RMP64: variants seen among roughly 807,000 people sequenced by gnomAD.
RMP64 encodes the protein nucleolus and neural progenitor protein.
At chr3:113,010,844 C>T in the RMP64 span, 1 of 851,644 alleles carries the variant, frequency 1.2e-6, no homozygotes, top group African/African-American at 1.7e-5. Context: ...TAGGAAGCAA[C>T]TACAGAAACA....
the RMP64 span, among the ~76,000 whole-genome samples, chr3:113,017,289 AAAAG>A: frequency 1.3e-5 from 2 of 152,214 alleles, no homozygotes; most frequent in Admixed American, 6.5e-5. Flanking sequence ...TTAGGAAAAA[AAAAG>A]AAAGTGCACA....
chr3:113,004,903 ATAAAAT>A, the RMP64 span: 1 of 152,750 alleles, frequency 6.5e-6, no homozygotes, highest in African/African-American at 2.4e-5. Flanking sequence ...ACCCAAATAA[ATAAAAT>A]TAAAACGTTT....
chr3:113,013,192 C>T, the RMP64 span: 9 of 1,492,934 alleles, frequency 6.0e-6, no homozygotes, highest in Admixed American at 5.4e-5. Flanking sequence ...GGAGTGTTAG[C>T]TTTCAAACAA....
chr3:113,012,848 G>A, the RMP64 span: 1 of 1,201,840 alleles, frequency 8.3e-7, no homozygotes. Context: ...CAAAATCAAA[G>A]TAATGTGGGT....
the RMP64 span, chr3:113,013,916 C>A: frequency 7.1e-7 from 1 of 1,408,670 alleles, no homozygotes; most frequent in Non-Finnish European, 1.0e-6. Context: ...GAGTTCCCAG[C>A]CCACCACATC....
the RMP64 span, chr3:113,008,742 C>T: frequency 4.4e-6 from 1 of 227,276 alleles, no homozygotes; most frequent in East Asian, 9.1e-5. Context: ...CTGAATTTTT[C>T]TCCACTGCTC....
At chr3:113,010,748 T>C in the RMP64 span, 1 of 1,481,144 alleles carries the variant, frequency 6.8e-7, no homozygotes, top group Non-Finnish European at 9.4e-7. Context: ...TTAGGCATAC[T>C]ATTTTCAAAT....
At chr3:113,017,473 T>C in the RMP64 span, 1 of 1,614,016 alleles carries the variant, frequency 6.2e-7, no homozygotes, top group Non-Finnish European at 8.5e-7. Context: ...ATGGGGTTTG[T>C]GGCGGCCCAT....
the RMP64 span, chr3:113,011,236 T>C: frequency 2.5e-6 from 4 of 1,613,044 alleles, no homozygotes; most frequent in Non-Finnish European, 3.4e-6. Context: ...TATAGGCATT[T>C]TTTTCTTAAA....
the RMP64 span, among the ~76,000 whole-genome samples, chr3:113,009,198 A>G: frequency 3.3e-5 from 5 of 152,138 alleles, no homozygotes; most frequent in Admixed American, 6.6e-5. Flanking sequence ...TTCTTTCTAT[A>G]TCAAGTCACA....
At chr3:113,018,664 C>CCT in the RMP64 span, among the ~76,000 whole-genome samples, 1 of 152,186 alleles carries the variant, frequency 6.6e-6, no homozygotes, top group African/African-American at 2.4e-5. Context: ...TGACTGTATT[C>CCT]TCTCCCTTGG....
chr3:113,017,440 T>C, the RMP64 span: 74 of 1,612,728 alleles, frequency 4.6e-5, no homozygotes, highest in Middle Eastern at 3.3e-4. Context: ...CCTACCGGGC[T>C]TCCTCACCTG....
the RMP64 span, among the ~76,000 whole-genome samples, chr3:113,017,290 AAAG>A: frequency 1.3e-5 from 2 of 152,236 alleles, no homozygotes; most frequent in Non-Finnish European, 2.9e-5. Context: ...TAGGAAAAAA[AAAG>A]AAAGTGCACA....
At chr3:113,005,200 G>A in the RMP64 span, 12 of 289,558 alleles carry the variant, frequency 4.1e-5, no homozygotes, top group African/African-American at 2.2e-4. Context: ...TTTTGCAAAC[G>A]ATTATTAAAT....
At chr3:113,002,931 A>C in the RMP64 span, 10 of 152,492 alleles carry the variant, frequency 6.6e-5, no homozygotes, top group African/African-American at 9.6e-5. Flanking sequence ...GGCAAGGTTC[A>C]GCCCTGCTTG....
chr3:113,012,692 G>T, the RMP64 span: 1 of 1,075,096 alleles, frequency 9.3e-7, no homozygotes, highest in Admixed American at 1.8e-5. Context: ...AGGCTGAAAG[G>T]AGATGAGAAA....
chr3:113,019,498 T>TC, the RMP64 span: 4 of 1,499,118 alleles, frequency 2.7e-6, no homozygotes, highest in Admixed American at 1.7e-5. Context: ...CCTGGCGGCC[T>TC]CCCCCGGAAA....
At chr3:113,017,320 A>C in the RMP64 span, 2 of 691,442 alleles carry the variant, frequency 2.9e-6, no homozygotes, top group Non-Finnish European at 4.7e-6. Context: ...TGTGGGCTAT[A>C]GGCCTATAAA....
At chr3:113,014,036 A>G in the RMP64 span, 3 of 1,598,730 alleles carry the variant, frequency 1.9e-6, no homozygotes, top group East Asian at 6.7e-5. Flanking sequence ...GCTCAACCTG[A>G]AAGAAGAAGA....
Sources: gnomAD v4.1 joint callset for allele counts (sites outside exome capture counted in the v4.1 genomes callset) on GRCh38, gnomAD v4.1.1 for gene constraint, MANE v1.5 for transcripts, NCBI Gene and HGNC (gene_info 2026-07-23, HGNC 2026-07-21) for gene names.